The following RTF2 variants were observed in gnomAD, a reference collection of about 807,000 sequenced individuals.
RTF2 encodes the protein replication termination factor 2, also known as UPF0549 protein C20orf43.
RTF2 carries 18 observed loss-of-function variants against 38.0 expected under a neutral mutation model. That is an observed-to-expected ratio of 0.47 (90% CI 0.33 to 0.70). The LOEUF (loss-of-function observed/expected upper bound fraction) is 0.70. Among genes scored for constraint, RTF2 ranks in the 30% least tolerant of loss-of-function variants. The pLI, the probability that RTF2 is intolerant of heterozygous loss-of-function variation, is 0.02. For missense variants in RTF2, 311 were observed against 379.6 expected, an observed-to-expected ratio of 0.82 and a Z score of 1.50; for synonymous variants, 126 against 137.1, an observed-to-expected ratio of 0.92 and a Z score of 0.57.
Position 56,497,916 on chromosome 20 carries a change from A to G in RTF2, c.477+13727A>G, listed in dbSNP as rs930761415. The stretch of plus-strand genomic sequence containing the variant: ...GTGTGTAACTCTTTAAGAAACTGCC[A>G]AACTGTTTTCCACAGTGGTTGTACC... On this transcript the variant is annotated intron_variant, in intron 5 of 8. Coordinates refer to ENST00000357348, the MANE Select transcript of RTF2 (RefSeq NM_016407.5). 2.0e-5 allele frequency among the ~76,000 whole-genome samples: 3 copies of G among 152,238 alleles called. No homozygotes were observed. In the East Asian group the frequency reaches 5.8e-4, roughly 29 times the overall value.
In RTF2 at chr20:56,518,281, C is replaced by T. The variant is rs375109613; in HGVS notation, c.*16C>T. 2,446 of 1,602,694 alleles carry T rather than the reference C, an allele frequency of 1.5e-3. 18 individuals carry two copies. Among genetic ancestry groups the T allele is most frequent in the Middle Eastern group, 8.3e-3 (46 of 5,564 alleles). Reference sequence around the variant, plus strand: ...CTGCTTCTGAAGCCCGCACTGCCACCGCTCCTGCCCCAGAAGGTTGTTTAG... The same window carrying T: ...CTGCTTCTGAAGCCCGCACTGCCACTGCTCCTGCCCCAGAAGGTTGTTTAG... On this transcript the variant is annotated 3_prime_UTR_variant, in exon 9 of 9. Coordinates refer to ENST00000357348, the MANE Select transcript of RTF2 (RefSeq NM_016407.5).
intron 5 of RTF2, chr20:56,497,465 G>T: frequency 2.0e-6 from 3 of 1,519,158 alleles, no homozygotes; most frequent in Non-Finnish European, 2.7e-6. Flanking sequence ...GTTCATCTGG[G>T]TAAAAGCCAC....
intron 1 of RTF2, among the ~76,000 whole-genome samples, chr20:56,472,640 T>C (rs996230034): frequency 2.6e-5 from 4 of 152,224 alleles, no homozygotes; most frequent in Admixed American, 2.0e-4. Context: ...TTAGCAGGCT[T>C]TCCCATTGTT....
At chr20:56,489,635 A>G (rs537615602) in intron 5 of RTF2, among the ~76,000 whole-genome samples, 5 of 152,270 alleles carry the variant, frequency 3.3e-5, no homozygotes, top group Admixed American at 2.6e-4. Context: ...TTCCCCACCC[A>G]GGAGCACCCA....
At chr20:56,494,160 ACT>A (rs1983356851) in intron 5 of RTF2, among the ~76,000 whole-genome samples, 1 of 152,148 alleles carries the variant, frequency 6.6e-6, no homozygotes, top group South Asian at 2.1e-4. Context: ...TAGGGTGCTG[ACT>A]CTGAATGCTG....
chr20:56,503,196 A>G (rs916949931), intron 5 of RTF2, among the ~76,000 whole-genome samples: 6 of 152,234 alleles, frequency 3.9e-5, no homozygotes, highest in East Asian at 1.9e-4. Context: ...AGCAGCCTCA[A>G]TGTTAGCACA....
At chr20:56,495,660 C>G (rs780229782) in intron 5 of RTF2, among the ~76,000 whole-genome samples, 23 of 152,138 alleles carry the variant, frequency 1.5e-4, no homozygotes, top group Non-Finnish European at 2.6e-4. Flanking sequence ...TTCTCTGTAA[C>G]AGCCCTCGGA....
At chr20:56,472,144 C>G (rs905578922) in intron 1 of RTF2, among the ~76,000 whole-genome samples, 1 of 152,142 alleles carries the variant, frequency 6.6e-6, no homozygotes, top group African/African-American at 2.4e-5. Flanking sequence ...TGCTTGAGCC[C>G]AGGAGAATTG....
chr20:56,472,685 T>A (rs1238182207), intron 1 of RTF2, among the ~76,000 whole-genome samples: 4 of 152,192 alleles, frequency 2.6e-5, no homozygotes, highest in Non-Finnish European at 5.9e-5. Flanking sequence ...TTTTTCTCTT[T>A]TGTATGGCCT....
chr20:56,488,654 C>T (rs1488944762), intron 5 of RTF2, among the ~76,000 whole-genome samples: 1 of 152,188 alleles, frequency 6.6e-6, no homozygotes, highest in African/African-American at 2.4e-5. Context: ...TAGGTTTCTG[C>T]CATCTTTATA....
At chr20:56,471,422 G>T (rs566177817) in intron 1 of RTF2, among the ~76,000 whole-genome samples, 3 of 152,090 alleles carry the variant, frequency 2.0e-5, no homozygotes, top group Non-Finnish European at 2.9e-5. Context: ...CAAAAAAGTT[G>T]CCGGGCATGG....
chr20:56,518,359 C>G lies in RTF2; in HGVS notation c.*94C>G, dbSNP rs987641233. 2.4e-6 allele frequency: 3 copies of G among 1,250,088 alleles called. No individual in the cohort carries two copies. The African/African-American group carries it at 4.5e-5, about 19-fold the overall frequency. The allele number at this position is 1,250,088 out of a possible 1,614,324, so 77.4% of individuals were successfully genotyped here. The stretch of plus-strand genomic sequence containing the variant: ...CTCTGAGTGCGCTGCTGTGTGTTCT[C>G]TCTATAGTTCTGTGTCATAAAGCTG... On this transcript the variant is annotated 3_prime_UTR_variant, in exon 9 of 9. Coordinates refer to ENST00000357348, the MANE Select transcript of RTF2 (RefSeq NM_016407.5).
intron 5 of RTF2, chr20:56,497,701 G>T (rs1983646481): frequency 5.3e-6 from 5 of 948,278 alleles, no homozygotes; most frequent in Admixed American, 7.5e-5. Context: ...TTAGGGTGTT[G>T]TAATTCTCCC....
Position 56,519,400 on chromosome 20 carries a change from G to A in RTF2, c.*1135G>A, listed in dbSNP as rs1416262987. The A allele has an allele frequency of 6.6e-6, 1 of 152,112 alleles. No individual in the cohort carries two copies. The highest frequency in any genetic ancestry group is 1.9e-4 in the East Asian group (1 of 5,194). The allele number at this position is 152,112 out of a possible 1,614,324, so 9.4% of individuals were successfully genotyped here. On this transcript the variant is annotated 3_prime_UTR_variant, in exon 9 of 9. Coordinates refer to ENST00000357348, the MANE Select transcript of RTF2 (RefSeq NM_016407.5). ...GTTGATGGGAAGGTTTGGCCCCAAG[G>A]ATATTTTGACATTGTGAGTATAGAG...
At chr20:56,497,108 G>A (rs2146346601) in intron 5 of RTF2, 1 of 1,551,632 alleles carries the variant, frequency 6.4e-7, no homozygotes, top group Non-Finnish European at 8.7e-7. Flanking sequence ...CTGTCTTGGA[G>A]GAAATAAAAA....
At chr20:56,511,291 G>A (rs202229472) in intron 5 of RTF2, among the ~76,000 whole-genome samples, 19 of 152,054 alleles carry the variant, frequency 1.2e-4, no homozygotes, top group Admixed American at 9.2e-4. Flanking sequence ...CTCCATCAGC[G>A]GCATTAGATT....
At chr20:56,500,493 A>G (rs1983858541) in intron 5 of RTF2, among the ~76,000 whole-genome samples, 8 of 152,228 alleles carry the variant, frequency 5.3e-5, no homozygotes. Flanking sequence ...TATTTTCAGT[A>G]GTTTATAATA....
chr20:56,507,822 G>T (rs1984378300), intron 5 of RTF2, among the ~76,000 whole-genome samples: 1 of 152,122 alleles, frequency 6.6e-6, no homozygotes, highest in African/African-American at 2.4e-5. Context: ...ACTACCACCT[G>T]GTTCTGTTCC....
intron 4 of RTF2, among the ~76,000 whole-genome samples, chr20:56,483,311 C>T (rs893784466): frequency 2.6e-5 from 4 of 151,720 alleles, no homozygotes; most frequent in African/African-American, 4.8e-5. Flanking sequence ...GTGCCTGTAT[C>T]CTCAGTTTCC....
Sources: allele counts gnomAD v4.1 joint callset (sites outside exome capture counted in the v4.1 genomes callset), GRCh38; gene constraint gnomAD v4.1.1; transcripts MANE v1.5; gene names NCBI Gene and HGNC (gene_info 2026-07-23, HGNC 2026-07-21).